The following RELN variants were observed in gnomAD, a reference collection of about 807,000 sequenced individuals.
RELN encodes reelin.
In RELN, 108 loss-of-function variants were observed where a neutral mutation model predicts 427.6. The observed-to-expected ratio is 0.25, with a 90% CI of 0.22 to 0.30. The LOEUF is 0.30. RELN is among the 10% of genes least tolerant of loss of function. The pLI, the probability that RELN is intolerant of heterozygous loss-of-function variation, is 1.00. For synonymous variants in RELN, 1,524 were observed against 1,513.4 expected, an observed-to-expected ratio of 1.01 and a Z score of -0.16; for missense variants, 3,715 against 4,302.8, an observed-to-expected ratio of 0.86 and a Z score of 3.82.
intron 1 of RELN, among the ~76,000 whole-genome samples, chr7:103,966,411 C>G (rs146616938): frequency 5.0e-4 from 76 of 152,248 alleles, no homozygotes; most frequent in African/African-American, 1.8e-3. Flanking sequence ...GGAAAGAAAC[C>G]ACAATACCCA....
rs1834226467 is a variant in RELN at position 103,707,342 on chromosome 7, C to T, written c.806-6336G>A. Among the ~76,000 whole-genome samples, 7 of 151,970 alleles carry T rather than the reference C, an allele frequency of 4.6e-5. No individual in the cohort carries two copies. The South Asian group carries it at 8.3e-4, about 18-fold the overall frequency. ...ACTATAAAGAGAGCTAAAAAAGTTG[C>T]ATTCCAAGAAAAGTAATATCCCAAC... is the stretch of plus-strand genomic sequence containing the variant. On this transcript the variant is annotated intron_variant, in intron 8 of 64. Coordinates refer to ENST00000428762, the MANE Select transcript of RELN (RefSeq NM_005045.4).
At chr7:103,731,484 C>A (rs1005174894) in intron 6 of RELN, among the ~76,000 whole-genome samples, 3 of 151,188 alleles carry the variant, frequency 2.0e-5, no homozygotes, top group Admixed American at 2.0e-4. Context: ...CAAATCCTCT[C>A]CTTCTATTTT....
At chr7:103,593,039 T>C (rs1393156460) in intron 27 of RELN, among the ~76,000 whole-genome samples, 2 of 152,254 alleles carry the variant, frequency 1.3e-5, no homozygotes, top group Non-Finnish European at 2.9e-5. Context: ...CCTGCCATTA[T>C]GTAAGGACCA....
chr7:103,939,747 C>CAAAG (rs1003358324), intron 1 of RELN, among the ~76,000 whole-genome samples: 1 of 152,112 alleles, frequency 6.6e-6, no homozygotes, highest in Non-Finnish European at 1.5e-5. Flanking sequence ...GTTCAATGTT[C>CAAAG]AAAGGATGGT....
intron 61 of RELN, chr7:103,484,683 T>C (rs982019418): frequency 6.6e-6 from 1 of 152,246 alleles, no homozygotes; most frequent in Admixed American, 6.5e-5. Context: ...CCTCTTTTCA[T>C]GATGTTGGAA....
At chr7:103,941,947 T>C (rs1187365995) in intron 1 of RELN, among the ~76,000 whole-genome samples, 1 of 151,128 alleles carries the variant, frequency 6.6e-6, no homozygotes, top group African/African-American at 2.4e-5. Flanking sequence ...TATATTATCA[T>C]TATATTTACT....
intron 51 of RELN, among the ~76,000 whole-genome samples, chr7:103,508,666 A>G (rs967095465): frequency 6.6e-6 from 1 of 152,220 alleles, no homozygotes; most frequent in Non-Finnish European, 1.5e-5. Context: ...CAATCAGGCA[A>G]GAGAAAGAAA....
intron 4 of RELN, among the ~76,000 whole-genome samples, chr7:103,757,456 T>C (rs1438856811): frequency 6.6e-6 from 1 of 152,178 alleles, no homozygotes; most frequent in Non-Finnish European, 1.5e-5. Context: ...CCACCTTGCA[T>C]CTTGCCCAGT....
intron 22 of RELN, among the ~76,000 whole-genome samples, chr7:103,605,518 T>C (rs1385567018): frequency 1.3e-5 from 2 of 152,234 alleles, no homozygotes; most frequent in African/African-American, 2.4e-5. Flanking sequence ...GTCTATTCAT[T>C]GACTGCTATA....
At chr7:103,667,679 T>C (rs1833300579) in intron 11 of RELN, among the ~76,000 whole-genome samples, 1 of 152,210 alleles carries the variant, frequency 6.6e-6, no homozygotes, top group Non-Finnish European at 1.5e-5. Flanking sequence ...AGTCAAACTT[T>C]GTTGGAAGTC....
rs1833979912 is a variant in RELN at position 103,696,559 on chromosome 7, C to T, written c.1143+1294G>A. ...GCACCTGTCCATCCAGCTGCCTATA[C>T]CTTGTCCCTGACATCTATCATTCCT... On this transcript the variant is annotated intron_variant, in intron 10 of 64. Coordinates refer to ENST00000428762, the MANE Select transcript of RELN (RefSeq NM_005045.4). 2.0e-5 allele frequency among the ~76,000 whole-genome samples: 3 copies of T among 152,176 alleles called. No homozygotes were observed. The South Asian group carries it at 6.2e-4, about 31-fold the overall frequency.
chr7:103,557,245 T>C, intron 37 of RELN, 86 bp from the exon 38 acceptor site: 4 of 1,116,756 alleles, frequency 3.6e-6, no homozygotes, highest in Admixed American at 1.8e-5. Context: ...TAGGCATCAA[T>C]GCATAAGAGA....
At chr7:103,644,539 G>A (rs571370633) in intron 16 of RELN, among the ~76,000 whole-genome samples, 18 of 150,962 alleles carry the variant, frequency 1.2e-4, no homozygotes, top group Non-Finnish European at 2.2e-4. Context: ...TAATCTCAGA[G>A]CTCGAATACA....
At chr7:103,567,997 A>T (rs957659617) in intron 31 of RELN, among the ~76,000 whole-genome samples, 18 of 152,054 alleles carry the variant, frequency 1.2e-4, no homozygotes, top group Non-Finnish European at 1.9e-4. Context: ...GGGTTTTGCC[A>T]TGTTGCTCAG....
intron 2 of RELN, among the ~76,000 whole-genome samples, chr7:103,901,088 G>A (rs534121838): frequency 6.6e-6 from 1 of 152,000 alleles, no homozygotes; most frequent in East Asian, 1.9e-4. Flanking sequence ...TTTAAAAATT[G>A]GAAAAAGACT....
At chr7:103,736,152 C>G (rs764706209) in intron 6 of RELN, among the ~76,000 whole-genome samples, 2 of 152,170 alleles carry the variant, frequency 1.3e-5, no homozygotes, top group Non-Finnish European at 2.9e-5. Flanking sequence ...GGTAGCTGGG[C>G]TGTCAGCTGA....
intron 9 of RELN, among the ~76,000 whole-genome samples, chr7:103,699,965 C>T (rs1443264719): frequency 6.6e-6 from 1 of 151,748 alleles, no homozygotes; most frequent in Non-Finnish European, 1.5e-5. Context: ...TTTTAAACAC[C>T]ACTACCAAAG....
intron 50 of RELN, among the ~76,000 whole-genome samples, chr7:103,514,726 A>G (rs1290138058): frequency 6.6e-6 from 1 of 152,166 alleles, no homozygotes; most frequent in Non-Finnish European, 1.5e-5. Flanking sequence ...CCTATAGGGA[A>G]TGAAGGGTAA....
rs1170869962 is a variant in RELN at position 103,988,528 on chromosome 7, T to C, written c.226+603A>G. ...AATCATCAATTACTGACATATTAAA[T>C]CACACTTTCAAAAGAATAGGGAGCT... On this transcript the variant is annotated intron_variant, in intron 1 of 64. Transcript: ENST00000428762. This position sits in a 1 kb window ranked among gnomAD's most constrained non-coding sequence, Gnocchi z 4.9. 6.6e-6 allele frequency among the ~76,000 whole-genome samples: 1 copy of C among 152,186 alleles called. No individual in the cohort carries two copies. Among genetic ancestry groups the C allele is most frequent in the Non-Finnish European group, 1.5e-5 (1 of 68,020 alleles).
Sources: allele counts gnomAD v4.1 joint callset (sites outside exome capture counted in the v4.1 genomes callset), GRCh38; gene constraint gnomAD v4.1.1; non-coding constraint Gnocchi (gnomAD v3.1); transcripts MANE v1.5; gene names NCBI Gene and HGNC (gene_info 2026-07-23, HGNC 2026-07-21).